The following ZNF836 variants were observed in gnomAD, a reference collection of about 807,000 sequenced individuals.
The protein encoded by ZNF836 is zinc finger protein 836.
Under a neutral mutation model 7.4 loss-of-function variants are expected in ZNF836, and 12 were observed. The observed-to-expected ratio is 1.61, with a 90% CI of 1.03 to 2.61. The LOEUF is 2.61. Among genes scored for constraint, ZNF836 ranks in the 30% most tolerant of loss-of-function variants. ZNF836 has a pLI of 0.00. For missense variants in ZNF836, 998 were observed against 1,126.2 expected (o/e 0.89, Z 1.63); for synonymous variants, 365 against 382.6 (o/e 0.95, Z 0.54).
chr19:52,157,635 A>G (rs529430190), intron 4 of ZNF836, 95 bp from the exon 5 acceptor site: 4 of 1,208,462 alleles, frequency 3.3e-6, no homozygotes, highest in African/African-American at 1.6e-5. Flanking sequence ...GAGTGGCACA[A>G]TCTCAGCTCA....
intron 3 of ZNF836, among the ~76,000 whole-genome samples, chr19:52,166,699 A>C (rs1416577496): frequency 4.7e-5 from 7 of 149,168 alleles, no homozygotes; most frequent in African/African-American, 7.4e-5. Flanking sequence ...TCAGCCTCCC[A>C]AGTAGCTGGG....
At chr19:52,167,960 A>T in intron 3 of ZNF836, 98 bp downstream of exon 3, 1 of 884,358 alleles carries the variant, frequency 1.1e-6, no homozygotes. Flanking sequence ...CAAACGTGTC[A>T]GGCAGGATGC....
At chr19:52,163,620 A>G (rs2089233811) in intron 3 of ZNF836, among the ~76,000 whole-genome samples, 1 of 152,224 alleles carries the variant, frequency 6.6e-6, no homozygotes, top group South Asian at 2.1e-4. Context: ...TGAAAATTCA[A>G]GATGAGATTT....
chr19:52,170,606 CT>C (rs869032577), intron 1 of ZNF836, among the ~76,000 whole-genome samples: 3 of 152,184 alleles, frequency 2.0e-5, no homozygotes, highest in Admixed American at 2.0e-4. Context: ...GAAGGTCCCC[CT>C]TTTTTTCTAA....
rs1568572134 is a variant in ZNF836, at chr19:52,161,335, A to G, written c.16-744T>C. 6.6e-6 allele frequency among the ~76,000 whole-genome samples: 1 copy of G among 152,324 alleles called. No homozygotes were observed. The highest frequency in any genetic ancestry group is 2.4e-5 in the African/African-American group (1 of 41,584). ...TATGAACAATAGAAATGTATTTCTC[A>G]TGATTCTGCTGGCTGGGGAAATCCA... On this transcript the variant is annotated intron_variant, in intron 3 of 4. Transcript: ENST00000682614. This position sits in a 1 kb window ranked among gnomAD's most constrained non-coding sequence, Gnocchi z 4.1.
rs2089154339 is a variant in ZNF836 at position 52,156,018 on chromosome 19, TTTGTAAGG to T, written c.1657_1664del (p.Pro553MetfsTer2). 1 of 1,614,078 alleles carries T rather than the reference TTTGTAAGG, an allele frequency of 6.2e-7. No homozygotes were observed. Among genetic ancestry groups the T allele is most frequent in the Non-Finnish European group, 8.5e-7 (1 of 1,179,906 alleles). ...TGAAGACCTTGCCACACACATTACA[TTTGTAAGG>T]TTGCTCCCCAGTATGAATTCTTAAA... On this transcript the variant is annotated frameshift_variant, in exon 5 of 5. Transcript: ENST00000682614. LOFTEE classifies it low-confidence loss of function (END_TRUNC).
chr19:52,159,163 A>G (rs2089192022), intron 4 of ZNF836, among the ~76,000 whole-genome samples: 1 of 152,198 alleles, frequency 6.6e-6, no homozygotes, highest in Non-Finnish European at 1.5e-5. Context: ...GGTATCTGCT[A>G]TACCTAACCA....
rs7252917 is a variant in ZNF836, at chr19:52,158,734, C to T, written c.143-1194G>A. 8.6e-3 allele frequency among the ~76,000 whole-genome samples: 1,307 copies of T among 152,150 alleles called. 19 individuals carry two copies. The highest frequency in any genetic ancestry group is 0.03 in the African/African-American group (1,240 of 41,486). ...CTCCAGTCTGGGTGACAGAGCAAGACTCTGTCTCGGAAAAACAAACAAACA... is the reference window on the plus strand; with the variant it reads ...CTCCAGTCTGGGTGACAGAGCAAGATTCTGTCTCGGAAAAACAAACAAACA... On this transcript the variant is annotated intron_variant, in intron 4 of 4. Coordinates refer to ENST00000682614, the MANE Select transcript of ZNF836 (RefSeq NM_001102657.3).
At position 52,157,093 on chromosome 19, in the gene ZNF836, T is replaced by C; in HGVS notation, c.590A>G (p.Asn197Ser). The C allele has an allele frequency of 6.2e-7, 1 of 1,613,928 alleles. No individual in the cohort carries two copies. Among genetic ancestry groups the C allele is most frequent in the South Asian group, 1.1e-5 (1 of 91,066 alleles). ...VQTNISKKYENEFLQLSLPTQ... is the reference protein window; with the variant it reads ...VQTNISKKYESEFLQLSLPTQ... ...GGGTAATGACAGCTGCAAAAACTCATTCTCATATTTTTTAGAAATGTTGGT... is the reference window on the plus strand; with the variant it reads ...GGGTAATGACAGCTGCAAAAACTCACTCTCATATTTTTTAGAAATGTTGGT... The change falls in exon 5 of 5, where the codon AAT (asparagine) becomes AGT (serine). Residue 197 changes from asparagine to serine, a missense_variant. By Grantham distance (46) the Asn-to-Ser change is conservative. Transcript: ENST00000682614.
chr19:52,160,247 C>T (rs1463238015), intron 4 of ZNF836: 1 of 568,922 alleles, frequency 1.8e-6, no homozygotes, highest in Non-Finnish European at 3.1e-6. Flanking sequence ...GGGAATTCTA[C>T]TAAGGGCACA....
chr19:52,169,435 C>G (rs2089291201), intron 2 of ZNF836, among the ~76,000 whole-genome samples: 1 of 152,062 alleles, frequency 6.6e-6, no homozygotes, highest in South Asian at 2.1e-4. Flanking sequence ...CAAAATCAGC[C>G]AGGCGTGGTG....
intron 3 of ZNF836, among the ~76,000 whole-genome samples, chr19:52,167,472 C>CAAA (rs1165727472): frequency 3.3e-3 from 141 of 43,060 alleles, no homozygotes; most frequent in Middle Eastern, 0.018. Context: ...AACTCCGTCT[C>CAAA]AAAAAAAAAA....
chr19:52,162,055 C>T (rs759726189), intron 3 of ZNF836, among the ~76,000 whole-genome samples: 4 of 152,192 alleles, frequency 2.6e-5, no homozygotes, highest in Admixed American at 6.5e-5. Context: ...TCTTTGACTC[C>T]GTGTCCCACC....
chr19:52,167,628 G>A (rs1368251882), intron 3 of ZNF836, among the ~76,000 whole-genome samples: 1 of 151,980 alleles, frequency 6.6e-6, no homozygotes, highest in African/African-American at 2.4e-5. Flanking sequence ...ATAAAATTAG[G>A]CAGAAAAGAT....
rs537765887 is a variant in ZNF836 at position 52,161,312 on chromosome 19, T to C, written c.16-721A>G. On this transcript the variant is annotated intron_variant, in intron 3 of 4. Coordinates refer to ENST00000682614, the MANE Select transcript of ZNF836 (RefSeq NM_001102657.3). This position sits in a 1 kb window ranked among gnomAD's most constrained non-coding sequence, Gnocchi z 4.1. Reference sequence around the variant, plus strand: ...CAAGTAAAACAGACTGGGTAATTTATGAACAATAGAAATGTATTTCTCATG... The same window carrying C: ...CAAGTAAAACAGACTGGGTAATTTACGAACAATAGAAATGTATTTCTCATG... 2.0e-5 allele frequency among the ~76,000 whole-genome samples: 3 copies of C among 152,218 alleles called. No homozygotes were observed. Among genetic ancestry groups the C allele is most frequent in the Non-Finnish European group, 4.4e-5 (3 of 68,038 alleles).
Position 52,156,171 on chromosome 19 carries a change from A to C in ZNF836, c.1512T>G (p.Gly504=), listed in dbSNP as rs1245131554. 1 of 1,613,966 alleles carries C rather than the reference A, an allele frequency of 6.2e-7. No individual in the cohort carries two copies. Among genetic ancestry groups the C allele is most frequent in the Admixed American group, 1.7e-5 (1 of 60,014 alleles). The change falls in exon 5 of 5, where the codon GGT becomes GGG. Residue 504 remains glycine, a synonymous_variant. Transcript: ENST00000682614. ...GTAATGAGCCCTGTTTAAAGGCTTT[A>C]CCACATTTATCACATTTGTAAGGTT... ...GEKPYKCDKC[G]KAFKQGSLLT...
rs2089167625 is a variant in ZNF836 at position 52,156,891 on chromosome 19, A to T, written c.792T>A (p.His264Gln). ...GCTTCCCCCTTGTATGGACTATCTGATGTATAGTTAGTAGTGAGCCCCGAT... is the reference window on the plus strand; with the variant it reads ...GCTTCCCCCTTGTATGGACTATCTGTTGTATAGTTAGTAGTGAGCCCCGAT... ...AFHRGSLLTIHQIVHTRGKPY... is the reference protein window; with the variant it reads ...AFHRGSLLTIQQIVHTRGKPY... The change falls in exon 5 of 5, where the codon CAT becomes CAA. Residue 264 changes from histidine to glutamine, a missense_variant. Physicochemically the swap from His to Gln is conservative, Grantham distance 24. Coordinates refer to ENST00000682614, the MANE Select transcript of ZNF836 (RefSeq NM_001102657.3). The T allele has an allele frequency of 6.2e-7, 1 of 1,614,124 alleles. No individual in the cohort carries two copies. The highest frequency in any genetic ancestry group is 8.5e-7 in the Non-Finnish European group (1 of 1,180,000).
rs1037363152 is a variant in ZNF836, at chr19:52,157,373, C to G, written c.310G>C (p.Asp104His). The part of the protein sequence containing the change: ...NLQDLEFQWK[D>H]GEINYKEVPM... ...ACTTCTTTATAATTTATTTCACCATCTTTCCATTGAAACTCAAGGTCCTGT... is the reference window on the plus strand; with the variant it reads ...ACTTCTTTATAATTTATTTCACCATGTTTCCATTGAAACTCAAGGTCCTGT... Residue 104 changes from aspartate to histidine, a missense_variant, in exon 5 of 5, where the codon GAT (aspartate) becomes CAT (histidine). Coordinates refer to ENST00000682614, the MANE Select transcript of ZNF836 (RefSeq NM_001102657.3). 5.0e-6 allele frequency: 8 copies of G among 1,607,426 alleles called. No individual in the cohort carries two copies. In the Admixed American group the frequency reaches 1.4e-4, roughly 28 times the overall value.
intron 3 of ZNF836, among the ~76,000 whole-genome samples, chr19:52,163,594 G>A (rs1288180515): frequency 2.0e-5 from 3 of 152,148 alleles, no homozygotes; most frequent in African/African-American, 7.2e-5. Context: ...CCAACATGGT[G>A]AAACCCCGTC....
Sources: gnomAD v4.1 joint callset for allele counts (sites outside exome capture counted in the v4.1 genomes callset) on GRCh38, gnomAD v4.1.1 for gene constraint, Gnocchi (gnomAD v3.1) non-coding constraint, MANE v1.5 for transcripts, NCBI Gene and HGNC (gene_info 2026-07-23, HGNC 2026-07-21) for gene names.